LGALS9: variants seen among roughly 807,000 people sequenced by gnomAD.
The protein encoded by LGALS9 is galectin 9.
LGALS9 carries 26 observed loss-of-function variants against 35.9 expected under a neutral mutation model. The observed-to-expected ratio is 0.72, with a 90% CI of 0.53 to 1.01. LGALS9 has a LOEUF of 1.01. Ranked by LOEUF, LGALS9 falls within the 50% of genes least tolerant of loss-of-function variation. LGALS9 has a pLI of 0.00. For missense variants in LGALS9, 347 were observed against 445.8 expected, an observed-to-expected ratio of 0.78 and a Z score of 1.99; for synonymous variants, 149 against 172.2, an observed-to-expected ratio of 0.87 and a Z score of 1.06.
chr17:27,637,429 C>A (rs1159994362), intron 1 of LGALS9, among the ~76,000 whole-genome samples: 2 of 152,248 alleles, frequency 1.3e-5, no homozygotes, highest in Admixed American at 6.5e-5. Context: ...AGGATTCAGA[C>A]CTGGAGTTGG....
rs1905029500 is a variant in LGALS9 at position 27,647,331 on chromosome 17, G to T, written c.820G>T (p.Glu274Ter). The T allele has an allele frequency of 6.2e-7, 1 of 1,614,088 alleles. No homozygotes were observed. Among genetic ancestry groups the T allele is most frequent in the African/African-American group, 1.3e-5 (1 of 74,930 alleles). The stretch of plus-strand genomic sequence containing the variant: ...CTTCCACCTGAACCCCCGTTTTGAT[G>T]AGAATGCTGTGGTCCGCAACACCCA... ...IAFHLNPRFD[E>*]NAVVRNTQID... The change falls in exon 10 of 11, where the codon GAG (glutamate) becomes TAG (stop). Residue 274 changes from glutamate (E) to a stop codon, truncating the protein, a stop_gained. Coordinates refer to ENST00000395473, the MANE Select transcript of LGALS9 (RefSeq NM_009587.3). LOFTEE classifies it high-confidence loss of function.
Position 27,640,657 on chromosome 17 carries a change from G to C in LGALS9, c.217G>C (p.Val73Leu), listed in dbSNP as rs1904401461. The change falls in exon 3 of 11, where the codon GTG (valine) becomes CTG (leucine). Residue 73 changes from valine (V) to leucine (L), a missense_variant. Transcript: ENST00000395473. ...NPRFEDGGYV[V>L]CNTRQNGSWG... is the part of the protein sequence containing the mutation. ...TCGGTTTGAAGATGGAGGGTACGTG[G>C]TGTGCAACACGAGGCAGAACGGAAG... 1.9e-6 allele frequency: 3 copies of C among 1,614,126 alleles called. No homozygotes were observed. In the African/African-American group the frequency reaches 4.0e-5, roughly 22 times the overall value.
At position 27,631,200 on chromosome 17, in the gene LGALS9, G is replaced by T. The variant is rs370936692; in HGVS notation, c.-66G>T. The T allele has an allele frequency of 6.2e-7, 1 of 1,608,282 alleles. No individual in the cohort carries two copies. On this transcript the variant is annotated 5_prime_UTR_variant, in exon 1 of 11. Coordinates refer to ENST00000395473, the MANE Select transcript of LGALS9 (RefSeq NM_009587.3). ...TTGGTTTCTATTTCTTTGTTAAGTC[G>T]TTCCCTCTACAAAGGACTTCCTAGT...
chr17:27,633,842 T>C (rs1032241992), intron 1 of LGALS9, among the ~76,000 whole-genome samples: 3 of 152,082 alleles, frequency 2.0e-5, no homozygotes, highest in African/African-American at 7.2e-5. Flanking sequence ...CACTGTCGGG[T>C]GGTGTTACTG....
At chr17:27,639,615 C>A (rs1365082342) in intron 2 of LGALS9, among the ~76,000 whole-genome samples, 2 of 152,110 alleles carry the variant, frequency 1.3e-5, no homozygotes, top group Non-Finnish European at 2.9e-5. Flanking sequence ...TTTCACCCAG[C>A]CTGGAGTTCA....
At chr17:27,642,371 G>T (rs556745950) in intron 4 of LGALS9, 23 bp downstream of exon 4, 2 of 1,611,562 alleles carry the variant, frequency 1.2e-6, no homozygotes, top group Admixed American at 1.7e-5. Flanking sequence ...ACCTGGCACC[G>T]GTCCCAGGGG....
chr17:27,646,577 C>A lies in LGALS9; in HGVS notation c.658C>A (p.His220Asn), dbSNP rs1357263463. The A allele has an allele frequency of 1.7e-5, 28 of 1,612,408 alleles. No homozygotes were observed. Among genetic ancestry groups the A allele is most frequent in the Non-Finnish European group, 2.2e-5 (26 of 1,179,938 alleles). The change falls in exon 8 of 11, where the codon CAC (histidine) becomes AAC (asparagine). Residue 220 changes from histidine (H) to asparagine (N), a missense_variant. By Grantham distance (68) the His-to-Asn change is moderately conservative. Coordinates refer to ENST00000395473, the MANE Select transcript of LGALS9 (RefSeq NM_009587.3). Reference sequence around the variant, plus strand: ...CGCCATCCCACCTATGATGTACCCCCACCCCGCCTATGTAAGTGGTTTCTC... The same window carrying A: ...CGCCATCCCACCTATGATGTACCCCAACCCCGCCTATGTAAGTGGTTTCTC... ...TPAIPPMMYP[H>N]PAYPMPFITT...
At chr17:27,648,720 T>TG in intron 10 of LGALS9, 116 bp from the exon 11 acceptor site, 3 of 1,516,204 alleles carry the variant, frequency 2.0e-6, no homozygotes, top group Non-Finnish European at 1.8e-6. Flanking sequence ...AGAGTGCAGG[T>TG]GAGGGGCTTA....
Position 27,647,361 on chromosome 17 carries a change from G to A in LGALS9, c.850G>A (p.Asp284Asn), listed in dbSNP as rs143800774. 173 of 1,614,170 alleles carry A rather than the reference G, an allele frequency of 1.1e-4. No homozygotes were observed. The highest frequency in any genetic ancestry group is 8.3e-4 in the South Asian group (76 of 91,082). Residue 284 changes from aspartate (D) to asparagine (N), a missense_variant, in exon 10 of 11, where the codon GAC becomes AAC. Transcript: ENST00000395473. ...TGCTGTGGTCCGCAACACCCAGATC[G>A]ACAACTCCTGGGGGTCTGAGGAGCG... is the stretch of plus-strand genomic sequence containing the variant. ...ENAVVRNTQIDNSWGSEERSL... is the reference protein window; with the variant it reads ...ENAVVRNTQINNSWGSEERSL...
chr17:27,648,729 T>C (rs1482328738), intron 10 of LGALS9, 107 bp from the exon 11 acceptor site: 4 of 1,564,206 alleles, frequency 2.6e-6, no homozygotes, highest in Non-Finnish European at 3.5e-6. Context: ...GTGAGGGGCT[T>C]ATTAACAACT....
At chr17:27,637,643 G>C (rs11080242) in intron 1 of LGALS9, among the ~76,000 whole-genome samples, 35,329 of 152,208 alleles carry the variant, frequency 0.23, 4,147 homozygotes, top group Admixed American at 0.29. Context: ...CACGGCTACA[G>C]AAGGCATCTG....
chr17:27,634,594 C>T (rs1255567696), intron 1 of LGALS9, among the ~76,000 whole-genome samples: 27 of 152,050 alleles, frequency 1.8e-4, no homozygotes, highest in Admixed American at 1.8e-3. Context: ...CAAAAACCCC[C>T]CAAAAACGCA....
At chr17:27,641,274 G>A (rs9905566) in intron 3 of LGALS9, among the ~76,000 whole-genome samples, 35,823 of 152,000 alleles carry the variant, frequency 0.24, 4,345 homozygotes, top group Admixed American at 0.31. Context: ...GTCCCCATTC[G>A]TTCAGTATGC....
intron 5 of LGALS9, 104 bp downstream of exon 5, chr17:27,643,724 G>T: frequency 6.2e-6 from 9 of 1,458,220 alleles, no homozygotes; most frequent in Non-Finnish European, 8.2e-6. Context: ...CCTACAGGCC[G>T]CATCTTGCCC....
rs759212793 is a variant in LGALS9 at position 27,647,270 on chromosome 17, G to A, written c.759G>A (p.Arg253=). The A allele has an allele frequency of 7.4e-6, 12 of 1,613,894 alleles. No individual in the cohort carries two copies. The highest frequency in any genetic ancestry group is 1.0e-5 in the Non-Finnish European group (12 of 1,180,030). ...GGTTCAGGTGGGCTGCCCACCCCAG[G>A]TTCCACATCAACCTGTGCTCTGGGA... is the stretch of plus-strand genomic sequence containing the variant. ...LSGTVLPSAQ[R]FHINLCSGNH... Residue 253 remains arginine, a splice_region_variant and synonymous_variant, in exon 10 of 11, where the codon AGG becomes AGA. Transcript: ENST00000395473.
rs756309515 is a variant in LGALS9, at chr17:27,643,562, C to T, written c.482C>T (p.Thr161Met). 26 of 1,611,818 alleles carry T rather than the reference C, an allele frequency of 1.6e-5. 2 individuals carry two copies. The highest frequency in any genetic ancestry group is 1.3e-4 in the Admixed American group (8 of 59,986). Residue 161 changes from threonine (T) to methionine (M), a missense_variant, in exon 5 of 11, where the codon ACG (threonine) becomes ATG (methionine). Thr to Met is a moderately conservative substitution (Grantham distance 81, BLOSUM62 -1). Transcript: ENST00000395473. ...GTCCCTGTTCAGCCTGCCTTCTCCA[C>T]GGTGCCGTTCTCCCAGCCTGTCTGT... ...RTVPVQPAFS[T>M]VPFSQPVCFP...
rs570491396 is a variant in LGALS9, at chr17:27,643,308, C to T, written c.445-217C>T. The stretch of plus-strand genomic sequence containing the variant: ...CCTCCTTCCCTGACTCTCTCCCCTG[C>T]GGGTGGTAGGGGAGGGAAGAGCTGG... On this transcript the variant is annotated intron_variant, in intron 4 of 10. Coordinates refer to ENST00000395473, the MANE Select transcript of LGALS9 (RefSeq NM_009587.3). 1.6e-3 allele frequency among the ~76,000 whole-genome samples: 247 copies of T among 152,258 alleles called. 5 individuals carry two copies. The highest frequency in any genetic ancestry group is 5.5e-3 in the African/African-American group (229 of 41,552).
chr17:27,643,615 CA>C lies in LGALS9; in HGVS notation c.540del (p.Lys180AsnfsTer37), dbSNP rs1904694665. On this transcript the variant is annotated frameshift_variant, in exon 5 of 11. Coordinates refer to ENST00000395473, the MANE Select transcript of LGALS9 (RefSeq NM_009587.3). LOFTEE classifies it high-confidence loss of function. ...CCCACCCAGGCCCAGGGGGCGCAGA[CA>C]AAAAGTGAGTTCAACACAGAGGCCC... ...CFPPRPRGRR[Q>X]KPPGVWPANP... The C allele has an allele frequency of 6.2e-7, 1 of 1,609,796 alleles. No individual in the cohort carries two copies.
At chr17:27,632,747 C>T (rs866138152) in intron 1 of LGALS9, among the ~76,000 whole-genome samples, 6 of 152,364 alleles carry the variant, frequency 3.9e-5, no homozygotes, top group Middle Eastern at 3.4e-3. Context: ...AGAGTTAAAA[C>T]AGGGCCTTGG....
Sources: allele counts gnomAD v4.1 joint callset (sites outside exome capture counted in the v4.1 genomes callset), GRCh38; gene constraint gnomAD v4.1.1; transcripts MANE v1.5; gene names NCBI Gene and HGNC (gene_info 2026-07-23, HGNC 2026-07-21).